Variants in PANK1 observed in about 807,000 individuals in gnomAD.
PANK1 encodes pantothenate kinase 1.
Under a neutral mutation model 40.1 loss-of-function variants are expected in PANK1, and 18 were observed. The observed-to-expected ratio is 0.45, with a 90% CI of 0.31 to 0.67. The LOEUF (loss-of-function observed/expected upper bound fraction) is 0.67, where lower values mean the gene tolerates loss of function less well. Ranked by LOEUF, PANK1 falls within the 30% of genes least tolerant of loss-of-function variation. The pLI is 0.06. For synonymous variants in PANK1, 242 were observed against 237.7 expected (o/e 1.02, Z -0.17); for missense variants, 457 against 599.6 (o/e 0.76, Z 2.48).
At chr10:89,621,986 T>G (rs991850196) in intron 1 of PANK1, among the ~76,000 whole-genome samples, 16 of 152,218 alleles carry the variant, frequency 1.1e-4, no homozygotes, top group Admixed American at 1.0e-3. Context: ...AGTGCTGGGA[T>G]TACAGGCATG....
intron 1 of PANK1, among the ~76,000 whole-genome samples, chr10:89,631,354 T>C (rs528712035): frequency 6.6e-6 from 1 of 152,342 alleles, no homozygotes; most frequent in South Asian, 2.1e-4. Context: ...TCTTTCCTCT[T>C]GTGGCTAAAT....
chr10:89,645,010 GCCGGCGCCTGGGGATGGCGAAC>G lies in PANK1; in HGVS notation c.-141_-120del. 1.3e-6 allele frequency: 2 copies of G among 1,567,346 alleles called. No individual in the cohort carries two copies. Among genetic ancestry groups the G allele is most frequent in the South Asian group, 1.2e-5 (1 of 86,666 alleles). On this transcript the variant is annotated 5_prime_UTR_variant, in exon 1 of 7. Coordinates refer to ENST00000307534, the MANE Select transcript of PANK1 (RefSeq NM_148977.3). ...CGGCTTCCGATTCAGCAGCCGCAGA[GCCGGCGCCTGGGGATGGCGAAC>G]CCGGCGCTCCTCCCCTCCTCCTGCC...
chr10:89,643,665 T>A (rs760228531), intron 1 of PANK1: 1 of 1,526,672 alleles, frequency 6.6e-7, no homozygotes, highest in Admixed American at 1.7e-5. Flanking sequence ...TCTATGCAAA[T>A]GCAGTCATTT....
At chr10:89,591,565 C>T (rs1442869101) in intron 5 of PANK1, among the ~76,000 whole-genome samples, 5 of 152,212 alleles carry the variant, frequency 3.3e-5, no homozygotes, top group Admixed American at 6.5e-5. Context: ...TGGCTGCTCT[C>T]ATGGGAAATG....
At position 89,644,635 on chromosome 10, in the gene PANK1, C is replaced by G. The variant is rs772958169; in HGVS notation, c.257G>C (p.Arg86Pro). Residue 86 changes from arginine to proline, a missense_variant, in exon 1 of 7, where the codon CGG becomes CCG. This residue lies in a region of PANK1 where 144 missense variants were observed against 131.2 expected (regional missense o/e 1.10). Coordinates refer to ENST00000307534, the MANE Select transcript of PANK1 (RefSeq NM_148977.3). Reference sequence around the variant, plus strand: ...CTTTCTCCCCGAGTCCATCCTCCTCCGCAGCCGGCATTTCTTGGCCGGGGA... The same window carrying G: ...CTTTCTCCCCGAGTCCATCCTCCTCGGCAGCCGGCATTTCTTGGCCGGGGA... ...HDSPAKKCRL[R>P]RRMDSGRKNR... The G allele has an allele frequency of 5.7e-6, 9 of 1,586,912 alleles. No individual in the cohort carries two copies. Among genetic ancestry groups the G allele is most frequent in the South Asian group, 3.4e-5 (3 of 88,142 alleles).
At chr10:89,588,878 G>A in intron 5 of PANK1, 101 bp from the exon 6 acceptor site, 1 of 725,702 alleles carries the variant, frequency 1.4e-6, no homozygotes, top group Non-Finnish European at 2.0e-6. Flanking sequence ...CTTGAAGAGT[G>A]AATATTCCTT....
At chr10:89,592,847 C>T (rs756866014) in intron 5 of PANK1, 10 of 542,834 alleles carry the variant, frequency 1.8e-5, no homozygotes, top group South Asian at 5.7e-5. Context: ...TATTGCAAGT[C>T]GAGCATTTTA....
At chr10:89,606,902 A>G (rs942263564) in intron 2 of PANK1, among the ~76,000 whole-genome samples, 1 of 152,218 alleles carries the variant, frequency 6.6e-6, no homozygotes, top group Non-Finnish European at 1.5e-5. Context: ...CTTGCTCTGG[A>G]TTAGACTTTG....
chr10:89,643,626 A>G (rs909177822), intron 1 of PANK1: 1 of 1,192,742 alleles, frequency 8.4e-7, no homozygotes, highest in African/African-American at 1.5e-5. Flanking sequence ...AACCTACTTA[A>G]CAATTTCCCT....
At chr10:89,641,477 C>T (rs570750969) in intron 1 of PANK1, among the ~76,000 whole-genome samples, 10 of 152,290 alleles carry the variant, frequency 6.6e-5, no homozygotes, top group African/African-American at 1.2e-4. Context: ...TCAGAACCTC[C>T]GACCAGAAGG....
chr10:89,618,693 T>C (rs1845392284), intron 1 of PANK1, among the ~76,000 whole-genome samples: 1 of 152,220 alleles, frequency 6.6e-6, no homozygotes. Flanking sequence ...GGCTGGTAAG[T>C]TGTGAATGGA....
intron 1 of PANK1, among the ~76,000 whole-genome samples, chr10:89,644,306 C>T (rs1412934388): frequency 2.0e-5 from 3 of 152,206 alleles, no homozygotes; most frequent in African/African-American, 7.2e-5. Context: ...ATTAGAAGGG[C>T]GGACAGAGCG....
chr10:89,604,199 G>A lies in PANK1; in HGVS notation c.646-4694C>T, dbSNP rs902878751. 3.3e-5 allele frequency among the ~76,000 whole-genome samples: 5 copies of A among 152,224 alleles called. No homozygotes were observed. In the East Asian group the frequency reaches 9.6e-4, roughly 29 times the overall value. Reference sequence around the variant, plus strand: ...TTATATCCTATTTGTTCAAAGGGTAGGTAATTTTTTTACTTTTAAAGTAAC... The same window carrying A: ...TTATATCCTATTTGTTCAAAGGGTAAGTAATTTTTTTACTTTTAAAGTAAC... On this transcript the variant is annotated intron_variant, in intron 2 of 6. Transcript: ENST00000307534.
rs1160374336 is a variant in PANK1 at position 89,583,411 on chromosome 10, TA to T, written c.*994del. 1 of 152,172 alleles carries T rather than the reference TA, an allele frequency of 6.6e-6. No homozygotes were observed. The allele number at this position is 152,172 out of a possible 1,614,324, so 9.4% of individuals were successfully genotyped here. On this transcript the variant is annotated 3_prime_UTR_variant, in exon 7 of 7. Coordinates refer to ENST00000307534, the MANE Select transcript of PANK1 (RefSeq NM_148977.3). Reference sequence around the variant, plus strand: ...TAGATATATACATGTACAAAACAAATAGATATTACTATCTGACACCTCAACC... The same window carrying T: ...TAGATATATACATGTACAAAACAAATGATATTACTATCTGACACCTCAACC...
chr10:89,608,029 ACT>A (rs532325355), intron 2 of PANK1, among the ~76,000 whole-genome samples: 32,225 of 141,970 alleles, frequency 0.23, 4,009 homozygotes, highest in East Asian at 0.49. Context: ...ATGATCCTAA[ACT>A]TTTTTTTTTT....
intron 6 of PANK1, among the ~76,000 whole-genome samples, chr10:89,586,979 C>T (rs1428760439): frequency 6.6e-6 from 1 of 152,166 alleles, no homozygotes; most frequent in East Asian, 1.9e-4. Context: ...GAAAATTAGC[C>T]AGGTGTGGTG....
Position 89,644,683 on chromosome 10 carries a change from T to C in PANK1, c.209A>G (p.Gln70Arg). 6.4e-7 allele frequency: 1 copy of C among 1,558,228 alleles called. No individual in the cohort carries two copies. The highest frequency in any genetic ancestry group is 8.6e-7 in the Non-Finnish European group (1 of 1,158,744). ...GGAGTCATGCTGAGGGAGCAGTGGC[T>C]GCGGCTGCAGCTCCGGCAGGAGCGG... Reference protein sequence around the residue: ...RLPLLPELQPQPLLPQHDSPA... With the variant: ...RLPLLPELQPRPLLPQHDSPA... Residue 70 changes from glutamine to arginine, a missense_variant, in exon 1 of 7, where the codon CAG becomes CGG. Transcript: ENST00000307534.
chr10:89,635,843 CAAG>C (rs1363882045), intron 1 of PANK1, among the ~76,000 whole-genome samples: 1 of 152,152 alleles, frequency 6.6e-6, no homozygotes, highest in Admixed American at 6.5e-5. Flanking sequence ...CACAAATAGG[CAAG>C]AAGAAAGGGA....
At chr10:89,632,760 T>A (rs1382491935) in intron 1 of PANK1, among the ~76,000 whole-genome samples, 1 of 152,228 alleles carries the variant, frequency 6.6e-6, no homozygotes, top group African/African-American at 2.4e-5. Context: ...TAAGCCCAAC[T>A]ACATTTACAG....
Sources: gnomAD v4.1 joint callset for allele counts (sites outside exome capture counted in the v4.1 genomes callset) on GRCh38, gnomAD v4.1.1 for gene constraint, gnomAD v4.1.1 regional missense constraint, MANE v1.5 for transcripts, NCBI Gene and HGNC (gene_info 2026-07-23, HGNC 2026-07-21) for gene names.